The following RYR2 variants were observed in gnomAD, a reference collection of about 807,000 sequenced individuals.
The protein encoded by RYR2 is ryanodine receptor 2.
A neutral mutation model predicts 601.1 loss-of-function variants in RYR2; 227 were observed. The ratio of observed to expected loss-of-function variants is 0.38; its 90% CI spans 0.34 to 0.42. The LOEUF is 0.42. RYR2 is among the 10% of genes least tolerant of loss of function. The probability of loss-of-function intolerance (pLI) is 1.00; values close to 1 mark genes in which losing one functional copy is unlikely to be tolerated. For synonymous variants in RYR2, 2,223 were observed against 2,175.1 expected (o/e 1.02, Z -0.61); for missense variants, 4,646 against 6,156.5 (o/e 0.75, Z 8.21).
At chr1:237,199,055 G>A (rs1456661058) in intron 1 of RYR2, among the ~76,000 whole-genome samples, 1 of 152,096 alleles carries the variant, frequency 6.6e-6, no homozygotes, top group Non-Finnish European at 1.5e-5. Flanking sequence ...AAACTTCAAA[G>A]GTGGTTCCTT....
chr1:237,618,861 G>A (rs1355541772), intron 38 of RYR2, among the ~76,000 whole-genome samples: 1 of 152,134 alleles, frequency 6.6e-6, no homozygotes, highest in East Asian at 1.9e-4. Flanking sequence ...AGAGGTTATG[G>A]AAGGAGAAGT....
chr1:237,832,653 G>T lies in RYR2; in HGVS notation c.*6G>T. ...ATGAAGACCAGCTAAATTAAACTCA[G>T]ACCCAATCACCTCTAAAAACCAAAA... On this transcript the variant is annotated 3_prime_UTR_variant, in exon 105 of 105. Transcript: ENST00000366574. 1 of 1,593,228 alleles carries T rather than the reference G, an allele frequency of 6.3e-7. No homozygotes were observed. The highest frequency in any genetic ancestry group is 1.1e-5 in the South Asian group (1 of 90,044).
chr1:237,649,851 C>T (rs1329813666), intron 49 of RYR2, 26 bp from the exon 50 acceptor site: 2 of 1,603,002 alleles, frequency 1.2e-6, no homozygotes, highest in Admixed American at 3.3e-5. Flanking sequence ...ACACAAATGG[C>T]CTTCTACTCT....
At position 237,566,790 on chromosome 1, in the gene RYR2, TCCTGTG is replaced by T. The variant is rs1396113739; in HGVS notation, c.3423+18_3423+23del. On this transcript the variant is annotated intron_variant, in intron 28 of 104. Coordinates refer to ENST00000366574, the MANE Select transcript of RYR2 (RefSeq NM_001035.3). ...ATGGCTTCAAGGTGAGTGGACTTTGTCCTGTGCCAGTCATCTGTACGTGCTGGAGGC... is the reference window on the plus strand; with the variant it reads ...ATGGCTTCAAGGTGAGTGGACTTTGTCCAGTCATCTGTACGTGCTGGAGGC... 1 of 1,613,706 alleles carries T rather than the reference TCCTGTG, an allele frequency of 6.2e-7. No homozygotes were observed. Among genetic ancestry groups the T allele is most frequent in the African/African-American group, 1.3e-5 (1 of 75,022 alleles).
chr1:237,354,073 A>G (rs1041743385), intron 3 of RYR2, among the ~76,000 whole-genome samples: 4 of 152,202 alleles, frequency 2.6e-5, no homozygotes, highest in Non-Finnish European at 4.4e-5. Flanking sequence ...TATGTTAGTC[A>G]GTCTTTTAAC....
intron 3 of RYR2, 81 bp downstream of exon 3, chr1:237,331,063 A>C (rs1409279705): frequency 8.3e-7 from 1 of 1,203,288 alleles, no homozygotes; most frequent in Non-Finnish European, 1.2e-6. Context: ...CAGGTGTCAG[A>C]GATTTTCTTT....
At chr1:237,237,919 T>TC (rs1685723204) in intron 1 of RYR2, among the ~76,000 whole-genome samples, 1 of 49,378 alleles carries the variant, frequency 2.0e-5, no homozygotes, top group Admixed American at 2.5e-4. Flanking sequence ...CCTTTCCTTT[T>TC]CCCTTTCCCT....
rs1677782247 is a variant in RYR2 at position 237,610,914 on chromosome 1, T to C, written c.4836T>C (p.Ser1612=). 6 of 1,613,498 alleles carry C rather than the reference T, an allele frequency of 3.7e-6. No individual in the cohort carries two copies. The highest frequency in any genetic ancestry group is 4.2e-6 in the Non-Finnish European group (5 of 1,179,724). ...QFLKVDVSRI[S]ERQGWLVQCL... is the part of the protein sequence containing the mutation. ...TGAAGGTAGATGTGTCTCGAATAAG[T>C]GAACGCCAAGGCTGGTTGGTGCAGT... The change falls in exon 36 of 105, where the codon AGT becomes AGC. Residue 1612 remains serine (S), a synonymous_variant. Transcript: ENST00000366574. The surrounding 1 kb of genome is among the most constrained non-coding windows in gnomAD (Gnocchi z 4.9).
chr1:237,221,208 T>A (rs1353266212), intron 1 of RYR2, among the ~76,000 whole-genome samples: 3 of 152,166 alleles, frequency 2.0e-5, no homozygotes, highest in African/African-American at 7.2e-5. Flanking sequence ...TTTTTGAAAA[T>A]CCATTTCGTT....
At chr1:237,544,475 T>G (rs1669601114) in intron 25 of RYR2, among the ~76,000 whole-genome samples, 1 of 152,166 alleles carries the variant, frequency 6.6e-6, no homozygotes, top group Non-Finnish European at 1.5e-5. Flanking sequence ...GCTATAAAAT[T>G]TTACTTTCCA....
chr1:237,667,785 G>C, intron 57 of RYR2, 98 bp from the exon 58 acceptor site: 1 of 837,764 alleles, frequency 1.2e-6, no homozygotes, highest in Non-Finnish European at 1.9e-6. Context: ...CACTAATACT[G>C]TATGAGTTAT....
chr1:237,785,294 A>G (rs570941228), intron 90 of RYR2, among the ~76,000 whole-genome samples: 2 of 152,332 alleles, frequency 1.3e-5, no homozygotes, highest in African/African-American at 2.4e-5. Context: ...TGTAAGTGGC[A>G]TTATTCTCAC....
chr1:237,480,910 C>T (rs767295682), intron 17 of RYR2, among the ~76,000 whole-genome samples: 47 of 151,742 alleles, frequency 3.1e-4, no homozygotes, highest in Non-Finnish European at 5.0e-4. Context: ...TTTGCCAAGC[C>T]GTGTTATATT....
chr1:237,438,998 C>T (rs1205695368), intron 12 of RYR2, among the ~76,000 whole-genome samples: 1 of 152,062 alleles, frequency 6.6e-6, no homozygotes. Context: ...AAGCTGATGC[C>T]AAAATTAAGG....
In RYR2 at chr1:237,784,291, C is replaced by T. The variant is rs369532267; in HGVS notation, c.12579C>T (p.Cys4193=). Residue 4193 remains cysteine, a synonymous_variant, in exon 90 of 105, where the codon TGC becomes TGT. Transcript: ENST00000366574. This position sits in a 1 kb window ranked among gnomAD's most constrained non-coding sequence, Gnocchi z 7.1. ...KEKMELFVNF[C]EDTIFEMQLA... The stretch of plus-strand genomic sequence containing the variant: ...AGATGGAACTCTTTGTGAACTTCTG[C>T]GAGGACACCATCTTTGAAATGCAGC... 21 of 1,613,626 alleles carry T rather than the reference C, an allele frequency of 1.3e-5. No homozygotes were observed. Among genetic ancestry groups the T allele is most frequent in the African/African-American group, 2.7e-5 (2 of 74,850 alleles).
chr1:237,630,320 T>C (rs559740441), intron 41 of RYR2, among the ~76,000 whole-genome samples: 2 of 152,276 alleles, frequency 1.3e-5, no homozygotes, highest in South Asian at 4.1e-4. Context: ...TTTGAATTAA[T>C]GAGACAATAA....
chr1:237,687,366 C>CTTTTTTTTTTTTTTTTTTTTTTTTTT (rs10679267), intron 62 of RYR2, 89 bp from the exon 63 acceptor site: 6 of 259,116 alleles, frequency 2.3e-5, no homozygotes, highest in East Asian at 7.7e-5. Context: ...TTTTCTTCTT[C>CTTTTTTTTTTTTTTTTTTTTTTTTTT]TTTTTTTTTT....
intron 27 of RYR2, among the ~76,000 whole-genome samples, chr1:237,565,720 C>A (rs987524316): frequency 3.3e-5 from 5 of 152,106 alleles, no homozygotes; most frequent in Non-Finnish European, 5.9e-5. Flanking sequence ...AGCTGGGTGA[C>A]CACCTTCTTT....
chr1:237,609,213 A>C (rs1397788335), intron 35 of RYR2, among the ~76,000 whole-genome samples: 8 of 58,230 alleles, frequency 1.4e-4, no homozygotes, highest in African/African-American at 2.4e-4. Context: ...CCTTGTCCCC[A>C]TCCCTTTTCT....
Sources: allele counts gnomAD v4.1 joint callset (sites outside exome capture counted in the v4.1 genomes callset), GRCh38; gene constraint gnomAD v4.1.1; non-coding constraint Gnocchi (gnomAD v3.1); transcripts MANE v1.5; gene names NCBI Gene and HGNC (gene_info 2026-07-23, HGNC 2026-07-21).